Variants in NDUFAF2 observed in about 807,000 individuals in gnomAD.
NDUFAF2 encodes NADH dehydrogenase [ubiquinone] 1 alpha subcomplex assembly factor 2.
In NDUFAF2, 13 loss-of-function variants were observed where a neutral mutation model predicts 22.8. The ratio of observed to expected loss-of-function variants is 0.57; its 90% CI spans 0.37 to 0.91. NDUFAF2 has a LOEUF of 0.91. Ranked by LOEUF, NDUFAF2 falls within the 40% of genes least tolerant of loss-of-function variation. The pLI, the probability that NDUFAF2 is intolerant of heterozygous loss-of-function variation, is 0.01. For synonymous variants in NDUFAF2, 53 were observed against 64.2 expected (o/e 0.83, Z 0.84); for missense variants, 162 against 195.2 (o/e 0.83, Z 1.01).
intron 3 of NDUFAF2, among the ~76,000 whole-genome samples, chr5:61,125,724 C>A (rs2111804883): frequency 6.6e-6 from 1 of 152,032 alleles, no homozygotes; most frequent in Admixed American, 6.6e-5. Flanking sequence ...GAAAGGTAAG[C>A]CTGTTGCCAG....
intron 1 of NDUFAF2, among the ~76,000 whole-genome samples, chr5:61,025,968 A>G (rs1012756100): frequency 2.0e-5 from 3 of 152,084 alleles, no homozygotes; most frequent in African/African-American, 7.2e-5. Context: ...TTTTTAAAAA[A>G]GTTAACTCTT....
intron 1 of NDUFAF2, among the ~76,000 whole-genome samples, chr5:61,006,326 T>G (rs529871942): frequency 2.1e-3 from 314 of 152,200 alleles, no homozygotes; most frequent in African/African-American, 7.2e-3. Context: ...CCAGTACCAT[T>G]CTGTTTTGGT....
chr5:61,107,650 T>C (rs1314223969), intron 3 of NDUFAF2, among the ~76,000 whole-genome samples: 4 of 149,388 alleles, frequency 2.7e-5, no homozygotes, highest in African/African-American at 9.9e-5. Flanking sequence ...ATTTCTCTTT[T>C]TTTAATTATG....
At chr5:60,974,792 T>C (rs764504610) in intron 1 of NDUFAF2, among the ~76,000 whole-genome samples, 2 of 146,554 alleles carry the variant, frequency 1.4e-5, no homozygotes, top group African/African-American at 4.9e-5. Flanking sequence ...CTGAGATTTG[T>C]GTTTGTTTGT....
chr5:61,141,491 A>G (rs1264887643), intron 3 of NDUFAF2, among the ~76,000 whole-genome samples: 1 of 152,096 alleles, frequency 6.6e-6, no homozygotes, highest in Non-Finnish European at 1.5e-5. Flanking sequence ...GAAAGTAGGA[A>G]AGGACCCATA....
chr5:61,127,273 C>T (rs1753049112), intron 3 of NDUFAF2, among the ~76,000 whole-genome samples: 1 of 152,154 alleles, frequency 6.6e-6, no homozygotes, highest in Non-Finnish European at 1.5e-5. Flanking sequence ...GGAATCCTCC[C>T]TAACTCATTT....
intron 1 of NDUFAF2, among the ~76,000 whole-genome samples, chr5:61,055,102 A>G (rs375251206): frequency 6.6e-6 from 1 of 152,210 alleles, no homozygotes; most frequent in African/African-American, 2.4e-5. Flanking sequence ...GAAGAGGAAA[A>G]TATATATAGT....
chr5:61,072,422 ATT>A (rs1752311373), intron 1 of NDUFAF2, among the ~76,000 whole-genome samples: 1 of 152,012 alleles, frequency 6.6e-6, no homozygotes, highest in Non-Finnish European at 1.5e-5. Flanking sequence ...ATGAATATCG[ATT>A]TTCTTGGGTG....
intron 1 of NDUFAF2, among the ~76,000 whole-genome samples, chr5:61,029,176 G>A (rs950908966): frequency 6.6e-6 from 1 of 152,112 alleles, no homozygotes; most frequent in Non-Finnish European, 1.5e-5. Context: ...AAATGTATCT[G>A]GTGGAGAATA....
At chr5:61,056,717 G>A (rs748873104) in intron 1 of NDUFAF2, among the ~76,000 whole-genome samples, 2 of 150,584 alleles carry the variant, frequency 1.3e-5, no homozygotes, top group African/African-American at 2.5e-5. Flanking sequence ...GTGAAACCCC[G>A]TCTCTACTAA....
chr5:61,080,229 A>G (rs1752425305), intron 2 of NDUFAF2, among the ~76,000 whole-genome samples: 1 of 152,246 alleles, frequency 6.6e-6, no homozygotes, highest in Admixed American at 6.5e-5. Flanking sequence ...AATTATGAGT[A>G]AAGTTGCTAT....
chr5:60,965,255 A>G (rs1034124770), intron 1 of NDUFAF2, among the ~76,000 whole-genome samples: 1 of 152,164 alleles, frequency 6.6e-6, no homozygotes, highest in African/African-American at 2.4e-5. Context: ...TTAAGGTATA[A>G]TTGACAAAAA....
chr5:61,052,601 C>T (rs184502743), intron 1 of NDUFAF2, among the ~76,000 whole-genome samples: 3 of 152,252 alleles, frequency 2.0e-5, no homozygotes, highest in East Asian at 1.9e-4. Flanking sequence ...TGAACCACTG[C>T]GACTGGCATA....
intron 1 of NDUFAF2, among the ~76,000 whole-genome samples, chr5:61,052,611 A>G (rs1561551916): frequency 2.0e-5 from 3 of 152,158 alleles, no homozygotes; most frequent in African/African-American, 4.8e-5. Context: ...CGACTGGCAT[A>G]TTTGTTATTT....
chr5:61,118,971 A>C lies in NDUFAF2; in HGVS notation c.258+19939A>C, dbSNP rs1752945265. On this transcript the variant is annotated intron_variant, in intron 3 of 3. Coordinates refer to ENST00000296597, the MANE Select transcript of NDUFAF2 (RefSeq NM_174889.5). Reference sequence around the variant, plus strand: ...AAGTTGGATGGTGGGTTATAGGTGTATGTTATTAGTTATGTTTATTTTTAA... The same window carrying C: ...AAGTTGGATGGTGGGTTATAGGTGTCTGTTATTAGTTATGTTTATTTTTAA... Among the ~76,000 whole-genome samples, 6 of 152,152 alleles carry C rather than the reference A, an allele frequency of 3.9e-5. No homozygotes were observed. In the South Asian group the frequency reaches 1.2e-3, roughly 32 times the overall value.
intron 1 of NDUFAF2, among the ~76,000 whole-genome samples, chr5:61,053,844 G>A (rs374165349): frequency 9.9e-5 from 15 of 151,984 alleles, no homozygotes; most frequent in African/African-American, 3.6e-4. Context: ...GGATATAAAG[G>A]GAAATATTGA....
intron 1 of NDUFAF2, among the ~76,000 whole-genome samples, chr5:60,962,291 C>T (rs1487978265): frequency 6.6e-6 from 1 of 151,542 alleles, no homozygotes; most frequent in Non-Finnish European, 1.5e-5. Flanking sequence ...ACAAAAGTGA[C>T]TTTTTTTGCA....
rs192949849 is a variant in NDUFAF2 at position 61,150,730 on chromosome 5, G to A, written c.259-1974G>A. 1.5e-3 allele frequency among the ~76,000 whole-genome samples: 221 copies of A among 152,148 alleles called. 2 individuals carry two copies. Among genetic ancestry groups the A allele is most frequent in the African/African-American group, 5.1e-3 (213 of 41,498 alleles). On this transcript the variant is annotated intron_variant, in intron 3 of 3. Coordinates refer to ENST00000296597, the MANE Select transcript of NDUFAF2 (RefSeq NM_174889.5). ...GAGTATCCTCTTGCTGCTTGAGGTC[G>A]GTTACTAGTGGAAGTTTAACCTGGT...
At chr5:61,116,152 A>G (rs1258297741) in intron 3 of NDUFAF2, 1 of 152,170 alleles carries the variant, frequency 6.6e-6, no homozygotes, top group Non-Finnish European at 1.5e-5. Context: ...TTACCAACCA[A>G]GAAAAAGGAC....
Sources: allele counts gnomAD v4.1 joint callset (sites outside exome capture counted in the v4.1 genomes callset), GRCh38; gene constraint gnomAD v4.1.1; transcripts MANE v1.5; gene names NCBI Gene and HGNC (gene_info 2026-07-23, HGNC 2026-07-21).